The following SAMD3 variants were observed in gnomAD, a reference collection of about 807,000 sequenced individuals.
SAMD3 encodes sterile alpha motif domain containing 3.
A neutral mutation model predicts 58.5 loss-of-function variants in SAMD3; 63 were observed. The ratio of observed to expected loss-of-function variants is 1.08; its 90% CI spans 0.88 to 1.33. The LOEUF is 1.33. Ranked by LOEUF, SAMD3 falls within the 40% of genes most tolerant of loss-of-function variation. The pLI is 0.00. For missense variants in SAMD3, 604 were observed against 608.4 expected (o/e 0.99, Z 0.08); for synonymous variants, 220 against 210.3 (o/e 1.05, Z -0.40).
chr6:130,144,364 TAAGTGTAAAG>T lies in SAMD3; in HGVS notation c.*146_*155del. On this transcript the variant is annotated 3_prime_UTR_variant, in exon 12 of 12. Transcript: ENST00000439090. The stretch of plus-strand genomic sequence containing the variant: ...AGAATTTCACAAAGAACTTAATATC[TAAGTGTAAAG>T]ATAGAAAGCATTGAAATTCATTAGC... 1 of 620,978 alleles carries T rather than the reference TAAGTGTAAAG, an allele frequency of 1.6e-6. No individual in the cohort carries two copies. Among genetic ancestry groups the T allele is most frequent in the Non-Finnish European group, 2.7e-6 (1 of 373,486 alleles). 38.5% of individuals were successfully genotyped at this position (620,978 alleles called of 1,614,324 possible).
chr6:130,280,222 T>A (rs1246789249), intron 2 of SAMD3, among the ~76,000 whole-genome samples: 2 of 152,252 alleles, frequency 1.3e-5, no homozygotes, highest in Non-Finnish European at 1.5e-5. Flanking sequence ...TTGCAGCTTA[T>A]AACCAGCCTC....
At chr6:130,164,679 C>G (rs1490637003) in intron 8 of SAMD3, among the ~76,000 whole-genome samples, 1 of 152,016 alleles carries the variant, frequency 6.6e-6, no homozygotes, top group East Asian at 1.9e-4. Flanking sequence ...TTGGGTCCTG[C>G]TCCTATCCCC....
chr6:130,266,427 A>G (rs1319543089), intron 2 of SAMD3, among the ~76,000 whole-genome samples: 1 of 152,172 alleles, frequency 6.6e-6, no homozygotes, highest in East Asian at 1.9e-4. Context: ...GATAGCTTGT[A>G]GGTCCTAAAA....
intron 2 of SAMD3, among the ~76,000 whole-genome samples, chr6:130,263,399 G>A (rs988619830): frequency 6.6e-6 from 1 of 152,052 alleles, no homozygotes; most frequent in Non-Finnish European, 1.5e-5. Context: ...CTCGTCAAAA[G>A]GTGGAAAGAA....
At chr6:130,243,550 A>C (rs1773436840) in intron 2 of SAMD3, among the ~76,000 whole-genome samples, 3 of 152,192 alleles carry the variant, frequency 2.0e-5, no homozygotes, top group South Asian at 4.1e-4. Flanking sequence ...CCATTTTTTC[A>C]GGTTAAGAAA....
chr6:130,275,432 T>C (rs892928914), intron 2 of SAMD3, among the ~76,000 whole-genome samples: 4 of 152,146 alleles, frequency 2.6e-5, no homozygotes, highest in African/African-American at 7.2e-5. Flanking sequence ...CCCAAACAGT[T>C]CAGAAATCTA....
rs554440595 is a variant in SAMD3 at position 130,310,848 on chromosome 6, T to A, written c.-188+2130A>T. On this transcript the variant is annotated intron_variant, in intron 2 of 13. Coordinates refer to the SAMD3 transcript ENST00000368134. The stretch of plus-strand genomic sequence containing the variant: ...TTTTCGACTGCAGAGAAGAAATGGA[T>A]CCTCCAGTGTGAGACCCTCAGTAAC... Among the ~76,000 whole-genome samples, 33 of 152,330 alleles carry A rather than the reference T, an allele frequency of 2.2e-4. No individual in the cohort carries two copies. The South Asian group carries it at 6.8e-3, about 32-fold the overall frequency.
intron 2 of SAMD3, among the ~76,000 whole-genome samples, chr6:130,277,699 C>G (rs907670976): frequency 6.6e-6 from 1 of 152,080 alleles, no homozygotes; most frequent in African/African-American, 2.4e-5. Context: ...GAGGCACAGG[C>G]TTGGTTTATA....
intron 2 of SAMD3, among the ~76,000 whole-genome samples, chr6:130,256,578 A>G (rs2114916581): frequency 6.6e-6 from 1 of 152,190 alleles, no homozygotes; most frequent in East Asian, 1.9e-4. Flanking sequence ...GCTGCATGTC[A>G]TTCCACTTTT....
chr6:130,193,343 C>T lies in SAMD3; in HGVS notation c.384-8720G>A, dbSNP rs142426053. ...ACCCCAACCTCATATCTCTGCTCCC[C>T]GATCCCTTATTTCTGTGCCCTGACC... On this transcript the variant is annotated intron_variant, in intron 5 of 11. Coordinates refer to ENST00000439090, the MANE Select transcript of SAMD3 (RefSeq NM_001017373.4). Among the ~76,000 whole-genome samples the T allele has an allele frequency of 1.9e-3, 285 of 152,172 alleles. 1 individual carries two copies. The highest frequency in any genetic ancestry group is 1.3e-3 in the Non-Finnish European group (91 of 68,002).
chr6:130,231,359 T>C (rs1054369687), intron 2 of SAMD3, among the ~76,000 whole-genome samples: 1 of 151,802 alleles, frequency 6.6e-6, no homozygotes, highest in Admixed American at 6.6e-5. Flanking sequence ...AGGTCAGGAG[T>C]TCATGACTAG....
Position 130,186,394 on chromosome 6 carries a change from T to C in SAMD3, c.384-1771A>G, listed in dbSNP as rs535232572. Among the ~76,000 whole-genome samples, 5 of 152,298 alleles carry C rather than the reference T, an allele frequency of 3.3e-5. No homozygotes were observed. The South Asian group carries it at 1.0e-3, about 32-fold the overall frequency. ...AGCACTCTCACATCTATTTTTATGATAAGCTCCCTTTCCTTTTTTCCCCCT... is the reference window on the plus strand; with the variant it reads ...AGCACTCTCACATCTATTTTTATGACAAGCTCCCTTTCCTTTTTTCCCCCT... On this transcript the variant is annotated intron_variant, in intron 5 of 11. Coordinates refer to ENST00000439090, the MANE Select transcript of SAMD3 (RefSeq NM_001017373.4).
chr6:130,241,371 A>G (rs577219003), intron 2 of SAMD3, among the ~76,000 whole-genome samples: 22 of 151,938 alleles, frequency 1.4e-4, no homozygotes, highest in South Asian at 6.2e-4. Flanking sequence ...GTGTGCCACC[A>G]CGCCCAGCTA....
chr6:130,262,304 A>G (rs565944878), intron 2 of SAMD3, among the ~76,000 whole-genome samples: 70 of 151,108 alleles, frequency 4.6e-4, no homozygotes, highest in African/African-American at 1.7e-3. Context: ...ACAGAAAAAA[A>G]GTAAGAAAAA....
chr6:130,268,990 T>G (rs979500049), intron 2 of SAMD3, among the ~76,000 whole-genome samples: 1 of 152,188 alleles, frequency 6.6e-6, no homozygotes, highest in African/African-American at 2.4e-5. Flanking sequence ...TTTTTTTCCC[T>G]TTTATGGATT....
chr6:130,185,237 A>C (rs7749850), intron 5 of SAMD3, among the ~76,000 whole-genome samples: 71,312 of 152,084 alleles, frequency 0.47, 17,464 homozygotes, highest in Non-Finnish European at 0.54. Context: ...TTGCCTGGGG[A>C]TGAGGGTGGA....
intron 1 of SAMD3, among the ~76,000 whole-genome samples, chr6:130,354,754 C>A (rs1583148887): frequency 6.6e-6 from 1 of 152,096 alleles, no homozygotes; most frequent in African/African-American, 2.4e-5. Context: ...CTCTGTGACA[C>A]GAATTTACCT....
At position 130,318,929 on chromosome 6, in the gene SAMD3, A is replaced by AT. The variant is rs544384779; in HGVS notation, c.-303-5837dup. Among the ~76,000 whole-genome samples, 361 of 152,342 alleles carry AT rather than the reference A, an allele frequency of 2.4e-3. 5 individuals carry two copies. The highest frequency in any genetic ancestry group is 0.01 in the Middle Eastern group (3 of 294). On this transcript the variant is annotated intron_variant, in intron 1 of 13. Transcript: ENST00000368134. ...ATATATTTATGGAGCTAGAGAAAAG[A>AT]TTGAACTGTTAGTTATAGATATGAA...
At chr6:130,336,515 A>C (rs1462287215) in intron 1 of SAMD3, among the ~76,000 whole-genome samples, 1 of 152,178 alleles carries the variant, frequency 6.6e-6, no homozygotes, top group African/African-American at 2.4e-5. Flanking sequence ...CTGGTTCCAT[A>C]TTTATTTTCG....
Sources: allele counts gnomAD v4.1 joint callset (sites outside exome capture counted in the v4.1 genomes callset), GRCh38; gene constraint gnomAD v4.1.1; transcripts MANE v1.5; gene names NCBI Gene and HGNC (gene_info 2026-07-23, HGNC 2026-07-21).